Variants in ERRFI1 observed in about 807,000 individuals in gnomAD.
ERRFI1 encodes the protein ERBB receptor feedback inhibitor 1.
Under a neutral mutation model 14.6 loss-of-function variants are expected in ERRFI1, and 12 were observed. The observed-to-expected ratio is 0.82, with a 90% CI of 0.53 to 1.33. The LOEUF (loss-of-function observed/expected upper bound fraction) is 1.33, where lower values mean the gene tolerates loss of function less well. Ranked by LOEUF, ERRFI1 falls within the 40% of genes most tolerant of loss-of-function variation. ERRFI1 has a pLI of 0.00. For missense variants in ERRFI1, 482 were observed against 572.1 expected, an observed-to-expected ratio of 0.84 and a Z score of 1.61; for synonymous variants, 202 against 209.9, an observed-to-expected ratio of 0.96 and a Z score of 0.32.
chr1:8,013,570 A>G lies in ERRFI1; in HGVS notation c.1029T>C (p.Asn343=). ...PSPKSLPSYL[N]GVMPPTQSFA... is the part of the protein sequence containing the mutation. Reference sequence around the variant, plus strand: ...AGCTCTGTGTCGGGGGCATGACCCCATTGAGGTAAGACGGAAGGCTTTTGG... The same window carrying G: ...AGCTCTGTGTCGGGGGCATGACCCCGTTGAGGTAAGACGGAAGGCTTTTGG... Residue 343 remains asparagine (N), a synonymous_variant, in exon 4 of 4, where the codon AAT becomes AAC. Transcript: ENST00000377482. The surrounding 1 kb of genome is among the most constrained non-coding windows in gnomAD (Gnocchi z 4.3). 1 of 1,614,064 alleles carries G rather than the reference A, an allele frequency of 6.2e-7. No individual in the cohort carries two copies. Among genetic ancestry groups the G allele is most frequent in the Non-Finnish European group, 8.5e-7 (1 of 1,180,010 alleles).
rs891908965 is a variant in ERRFI1 at position 8,013,481 on chromosome 1, G to A, written c.1118C>T (p.Ala373Val). Residue 373 changes from alanine to valine, a missense_variant, in exon 4 of 4, where the codon GCC becomes GTC. Transcript: ENST00000377482. This position sits in a 1 kb window ranked among gnomAD's most constrained non-coding sequence, Gnocchi z 4.3. ...GGGCAGAATGCAAGGAACCTTACTGGCAGATCCTTCGCTGTTCTGTCTTTG... is the reference window on the plus strand; with the variant it reads ...GGGCAGAATGCAAGGAACCTTACTGACAGATCCTTCGCTGTTCTGTCTTTG... ...ALQRQNSEGS[A>V]SKVPCILPII... is the part of the protein sequence containing the mutation. The A allele has an allele frequency of 6.2e-6, 10 of 1,614,014 alleles. No homozygotes were observed. The highest frequency in any genetic ancestry group is 8.5e-6 in the Non-Finnish European group (10 of 1,180,038).
intron 1 of ERRFI1, among the ~76,000 whole-genome samples, chr1:8,025,240 G>T (rs2124080207): frequency 6.6e-6 from 1 of 152,286 alleles, no homozygotes; most frequent in East Asian, 1.9e-4. Context: ...AAGCAATGAT[G>T]AAATCCTAAT....
intron 1 of ERRFI1, among the ~76,000 whole-genome samples, chr1:8,017,370 T>A (rs1641191304): frequency 6.6e-6 from 1 of 152,150 alleles, no homozygotes; most frequent in Admixed American, 6.5e-5. Context: ...TTTCAGATAG[T>A]CAAGCATTAT....
chr1:8,018,592 C>T (rs946764876), intron 1 of ERRFI1, among the ~76,000 whole-genome samples: 1 of 152,076 alleles, frequency 6.6e-6, no homozygotes, highest in Non-Finnish European at 1.5e-5. Context: ...AATAGGAAAG[C>T]GAATGTGAAT....
chr1:8,026,110 G>A (rs533105079), intron 1 of ERRFI1, 48 bp downstream of exon 1: 11 of 151,816 alleles, frequency 7.2e-5, no homozygotes, highest in African/African-American at 2.7e-4. Context: ...TGAGGGAACG[G>A]AGCGCTGCGT....
chr1:8,013,903 G>A lies in ERRFI1; in HGVS notation c.696C>T (p.Val232=). The part of the protein sequence containing the change: ...LSYVSDQNGG[V]PDPNPPPPQT... Reference sequence around the variant, plus strand: ...GAGGTGGAGGAGGATTTGGATCTGGGACACCTCCATTTTGGTCAGACACAT... The same window carrying A: ...GAGGTGGAGGAGGATTTGGATCTGGAACACCTCCATTTTGGTCAGACACAT... The change falls in exon 4 of 4, where the codon GTC becomes GTT. Residue 232 remains valine (V), a synonymous_variant. Transcript: ENST00000377482. The surrounding 1 kb of genome is among the most constrained non-coding windows in gnomAD (Gnocchi z 4.3). 2 of 1,614,090 alleles carry A rather than the reference G, an allele frequency of 1.2e-6. No homozygotes were observed. The highest frequency in any genetic ancestry group is 4.5e-5 in the East Asian group (2 of 44,884).
chr1:8,016,799 G>T (rs999563133), intron 1 of ERRFI1, among the ~76,000 whole-genome samples: 3 of 152,100 alleles, frequency 2.0e-5, no homozygotes, highest in Non-Finnish European at 2.9e-5. Context: ...TATTAGTAAG[G>T]GATCAGTGCA....
intron 1 of ERRFI1, among the ~76,000 whole-genome samples, chr1:8,017,087 T>C (rs1445158832): frequency 6.6e-6 from 1 of 152,044 alleles, no homozygotes; most frequent in Non-Finnish European, 1.5e-5. Context: ...TATAATACCA[T>C]CTAATTATCA....
At chr1:8,024,545 T>C (rs1171491473) in intron 1 of ERRFI1, among the ~76,000 whole-genome samples, 1 of 152,230 alleles carries the variant, frequency 6.6e-6, no homozygotes, top group African/African-American at 2.4e-5. Flanking sequence ...TGCCTACCCT[T>C]AAGGAGTTTA....
At chr1:8,019,470 T>C (rs1037843736) in intron 1 of ERRFI1, among the ~76,000 whole-genome samples, 1 of 152,198 alleles carries the variant, frequency 6.6e-6, no homozygotes, top group Non-Finnish European at 1.5e-5. Flanking sequence ...TGGGCCCCAA[T>C]TCCCCTTCCA....
chr1:8,021,939 G>C (rs569847572), intron 1 of ERRFI1, among the ~76,000 whole-genome samples: 59 of 152,272 alleles, frequency 3.9e-4, no homozygotes, highest in African/African-American at 1.4e-3. Flanking sequence ...TGGCGAAGTA[G>C]GATCCGACTG....
chr1:8,020,073 T>C (rs1276376055), intron 1 of ERRFI1, among the ~76,000 whole-genome samples: 1 of 149,322 alleles, frequency 6.7e-6, no homozygotes, highest in African/African-American at 2.5e-5. Context: ...TTGAAACTGC[T>C]TAAAAAAAAA....
chr1:8,018,752 C>A (rs777170289), intron 1 of ERRFI1, among the ~76,000 whole-genome samples: 1 of 152,178 alleles, frequency 6.6e-6, no homozygotes, highest in Non-Finnish European at 1.5e-5. Flanking sequence ...TAACTTGATT[C>A]TTTTCTAAAT....
rs1390773709 is a variant in ERRFI1 at position 8,012,780 on chromosome 1, T to C, written c.*430A>G. On this transcript the variant is annotated 3_prime_UTR_variant, in exon 4 of 4. Coordinates refer to ENST00000377482, the MANE Select transcript of ERRFI1 (RefSeq NM_018948.4). ...TTAATGATTCTGATCTAAACAATACTGTATCTTCTTCCATTTGCTCAATTT... is the reference window on the plus strand; with the variant it reads ...TTAATGATTCTGATCTAAACAATACCGTATCTTCTTCCATTTGCTCAATTT... 1 of 240,238 alleles carries C rather than the reference T, an allele frequency of 4.2e-6. No homozygotes were observed. Among genetic ancestry groups the C allele is most frequent in the Non-Finnish European group, 8.2e-6 (1 of 121,698 alleles). The allele number at this position is 240,238 out of a possible 1,614,324, so 14.9% of individuals were successfully genotyped here.
intron 1 of ERRFI1, among the ~76,000 whole-genome samples, 165 bp downstream of exon 1, chr1:8,025,993 C>T (rs1184592873): frequency 1.3e-5 from 2 of 151,942 alleles, no homozygotes; most frequent in East Asian, 3.9e-4. Context: ...CCGGCCTCTC[C>T]CTCCATCCCA....
chr1:8,013,678 C>T lies in ERRFI1; in HGVS notation c.921G>A (p.Ser307=), dbSNP rs755591875. 8 of 1,613,886 alleles carry T rather than the reference C, an allele frequency of 5.0e-6. No homozygotes were observed. The highest frequency in any genetic ancestry group is 3.3e-5 in the South Asian group (3 of 91,072). Reference sequence around the variant, plus strand: ...GCCTGTCTTCATCACTATAGGTGCTCGAAGTAACTTCTGCTGACCATCTTC... The same window carrying T: ...GCCTGTCTTCATCACTATAGGTGCTTGAAGTAACTTCTGCTGACCATCTTC... ...DYRRWSAEVT[S]STYSDEDRPP... The change falls in exon 4 of 4, where the codon TCG becomes TCA. Residue 307 remains serine, a synonymous_variant. Transcript: ENST00000377482. The surrounding 1 kb of genome is among the most constrained non-coding windows in gnomAD (Gnocchi z 4.3).
Position 8,014,282 on chromosome 1 carries a change from T to G in ERRFI1, c.317A>C (p.His106Pro). ...ACCACATACAACTTGATCCTCTTCA[T>G]GTGGTCCCAAGTTTTCACTTGGGGG... ...LIPPSENLGP[H>P]EEDQVVCGFK... Residue 106 changes from histidine (H) to proline (P), a missense_variant, in exon 4 of 4, where the codon CAT (histidine) becomes CCT (proline). His to Pro is a moderately conservative substitution (Grantham distance 77). Coordinates refer to ENST00000377482, the MANE Select transcript of ERRFI1 (RefSeq NM_018948.4). The G allele has an allele frequency of 1.2e-6, 2 of 1,614,138 alleles. No homozygotes were observed. Among genetic ancestry groups the G allele is most frequent in the Non-Finnish European group, 1.7e-6 (2 of 1,179,984 alleles).
At chr1:8,024,713 T>C (rs1641320504) in intron 1 of ERRFI1, among the ~76,000 whole-genome samples, 1 of 152,196 alleles carries the variant, frequency 6.6e-6, no homozygotes, top group Admixed American at 6.5e-5. Context: ...CTTTGTTATT[T>C]TTCTTCAAAC....
In ERRFI1 at chr1:8,013,465, G is replaced by C; in HGVS notation, c.1134C>G (p.Cys378Trp). ...TCCCATTTTCAATAATGGGCAGAATGCAAGGAACCTTACTGGCAGATCCTT... is the reference window on the plus strand; with the variant it reads ...TCCCATTTTCAATAATGGGCAGAATCCAAGGAACCTTACTGGCAGATCCTT... ...NSEGSASKVP[C>W]ILPIIENGKK... is the part of the protein sequence containing the mutation. Residue 378 changes from cysteine (C) to tryptophan (W), a missense_variant, in exon 4 of 4, where the codon TGC becomes TGG. Transcript: ENST00000377482. This position sits in a 1 kb window ranked among gnomAD's most constrained non-coding sequence, Gnocchi z 4.3. The C allele has an allele frequency of 6.2e-7, 1 of 1,614,172 alleles. No homozygotes were observed. Among genetic ancestry groups the C allele is most frequent in the Non-Finnish European group, 8.5e-7 (1 of 1,180,020 alleles).
Sources: gnomAD v4.1 joint callset for allele counts (sites outside exome capture counted in the v4.1 genomes callset) on GRCh38, gnomAD v4.1.1 for gene constraint, Gnocchi (gnomAD v3.1) non-coding constraint, MANE v1.5 for transcripts, NCBI Gene and HGNC (gene_info 2026-07-23, HGNC 2026-07-21) for gene names.